PDE4A: variants seen among roughly 807,000 people sequenced by gnomAD.
The protein encoded by PDE4A is phosphodiesterase 4A.
In PDE4A, 21 loss-of-function variants were observed where a neutral mutation model predicts 73.9. That is an observed-to-expected ratio of 0.28 (90% CI 0.20 to 0.41). The LOEUF (loss-of-function observed/expected upper bound fraction) is 0.41. Among genes scored for constraint, PDE4A ranks in the 10% least tolerant of loss-of-function variants. PDE4A has a pLI of 1.00. For missense variants in PDE4A, 958 were observed against 1,211.4 expected (o/e 0.79, Z 3.10); for synonymous variants, 463 against 505.4 (o/e 0.92, Z 1.13).
intron 1 of PDE4A, among the ~76,000 whole-genome samples, chr19:10,432,178 G>A (rs1298396078): frequency 1.3e-5 from 1 of 79,102 alleles, no homozygotes; most frequent in Non-Finnish European, 2.2e-5. Flanking sequence ...GGAGGAGACG[G>A]GGGGGGGGGG....
Position 10,467,616 on chromosome 19 carries a change from A to G in PDE4A, c.2656A>G (p.Thr886Ala), listed in dbSNP as rs2043402483. ...TGGCGGGGGGTCAGGTGGAGACCCT[A>G]CCTGATCCCCAGACCTCTGTCCCTG... ...PGGGGSGGDP[T>A] The change falls in exon 15 of 15, where the codon ACC becomes GCC. Residue 886 changes from threonine to alanine, a missense_variant. Coordinates refer to ENST00000380702, the MANE Select transcript of PDE4A (RefSeq NM_001111307.2). 3 of 1,556,202 alleles carry G rather than the reference A, an allele frequency of 1.9e-6. No individual in the cohort carries two copies. The highest frequency in any genetic ancestry group is 8.7e-7 in the Non-Finnish European group (1 of 1,149,204).
chr19:10,439,657 G>A (rs2042910890), intron 1 of PDE4A, among the ~76,000 whole-genome samples: 1 of 152,110 alleles, frequency 6.6e-6, no homozygotes, highest in African/African-American at 2.4e-5. Flanking sequence ...CCTTCAATAA[G>A]GTCTGTCTCT....
chr19:10,461,125 C>A (rs777744492), intron 11 of PDE4A, 22 bp downstream of exon 11: 2 of 1,600,788 alleles, frequency 1.2e-6, no homozygotes, highest in Non-Finnish European at 8.5e-7. Context: ...TCGCCAGGGG[C>A]GGGGTTTGCT....
rs1301586281 is a variant in PDE4A, at chr19:10,467,316, A to G, written c.2356A>G (p.Thr786Ala). The G allele has an allele frequency of 3.7e-6, 6 of 1,614,058 alleles. No homozygotes were observed. In the South Asian group the frequency reaches 6.6e-5, roughly 18 times the overall value. The change falls in exon 15 of 15, where the codon ACA becomes GCA. Residue 786 changes from threonine (T) to alanine (A), a missense_variant. Transcript: ENST00000380702. ...AVYLTQQAQS[T>A]GSAPVAPDEF... ...GTATTTGACACAGCAGGCACAGTCC[A>G]CAGGCAGTGCACCTGTGGCTCCGGA...
chr19:10,418,815 G>A (rs1482518815), upstream of PDE4A: 2 of 985,132 alleles, frequency 2.0e-6, no homozygotes, highest in African/African-American at 1.7e-5. Context: ...CAAGAATTTG[G>A]CCCAGCCCAG....
chr19:10,446,517 T>C (rs2145525408), intron 2 of PDE4A, 108 bp downstream of exon 2: 1 of 1,290,634 alleles, frequency 7.7e-7, no homozygotes. Flanking sequence ...TCCTCAGCAC[T>C]CCCAACCTGT....
chr19:10,421,269 CCTG>C (rs1400437303), intron 1 of PDE4A, 185 bp downstream of exon 1: 7 of 985,408 alleles, frequency 7.1e-6, no homozygotes, highest in Non-Finnish European at 8.4e-6. Context: ...CGGGAGGCTT[CCTG>C]CTGAAGCCCA....
intron 8 of PDE4A, 42 bp from the exon 9 acceptor site, chr19:10,459,358 G>A (rs753870422): frequency 1.9e-6 from 3 of 1,614,016 alleles, no homozygotes; most frequent in Non-Finnish European, 2.5e-6. Context: ...CCAGGGCCCT[G>A]AGCCTTACAG....
At chr19:10,432,662 G>A (rs1482685712) in intron 1 of PDE4A, 2 of 1,281,096 alleles carry the variant, frequency 1.6e-6, no homozygotes, top group Non-Finnish European at 2.1e-6. Flanking sequence ...CTACCTGGGT[G>A]AGTCCCCTAA....
Position 10,461,862 on chromosome 19 carries a change from C to G in PDE4A, c.1621-15C>G. ...GCGGGTGTCAGCGGCCCCAGTGACG[C>G]CCCCTTGCCCGCAGGTGCTGGCCAC... is the stretch of plus-strand genomic sequence containing the variant. On this transcript the variant is annotated splice_polypyrimidine_tract_variant and intron_variant, in intron 12 of 14. Coordinates refer to ENST00000380702, the MANE Select transcript of PDE4A (RefSeq NM_001111307.2). The G allele has an allele frequency of 6.2e-7, 1 of 1,610,118 alleles. No individual in the cohort carries two copies. The highest frequency in any genetic ancestry group is 8.5e-7 in the Non-Finnish European group (1 of 1,178,116).
intron 7 of PDE4A, among the ~76,000 whole-genome samples, chr19:10,456,532 A>AAATAAAT (rs1568380135): frequency 6.7e-6 from 1 of 148,954 alleles, no homozygotes; most frequent in Non-Finnish European, 1.5e-5. Flanking sequence ...TCTCAAAAAA[A>AAATAAAT]AAATAAATAA....
At chr19:10,451,131 T>C (rs1428040587) in intron 6 of PDE4A, among the ~76,000 whole-genome samples, 190 bp downstream of exon 6, 1 of 151,900 alleles carries the variant, frequency 6.6e-6, no homozygotes, top group Non-Finnish European at 1.5e-5. Context: ...CGGGGGCTGG[T>C]GGAGCTGGGC....
intron 7 of PDE4A, among the ~76,000 whole-genome samples, chr19:10,456,038 CA>C (rs2043165301): frequency 6.8e-6 from 1 of 148,026 alleles, no homozygotes; most frequent in South Asian, 2.1e-4. Context: ...GACCCCCCCC[CA>C]ATTCAGTAGA....
chr19:10,431,928 T>A (rs551308805), intron 1 of PDE4A, among the ~76,000 whole-genome samples: 1 of 150,632 alleles, frequency 6.6e-6, no homozygotes, highest in Admixed American at 6.6e-5. Context: ...TCTGTCTCTG[T>A]TTTGTTTCTC....
rs989296441 is a variant in PDE4A at position 10,420,874 on chromosome 19, C to T, written c.110C>T (p.Pro37Leu). 1 of 1,589,726 alleles carries T rather than the reference C, an allele frequency of 6.3e-7. No individual in the cohort carries two copies. Among genetic ancestry groups the T allele is most frequent in the Non-Finnish European group, 8.5e-7 (1 of 1,176,172 alleles). The change falls in exon 1 of 15, where the codon CCT becomes CTT. Residue 37 changes from proline (P) to leucine (L), a missense_variant. Around this residue, in one of 3 missense-constraint regions of PDE4A, gnomAD observed 145 missense variants for 137.8 expected, o/e 1.05. Transcript: ENST00000380702. The surrounding 1 kb of genome is among the most constrained non-coding windows in gnomAD (Gnocchi z 6.0). Reference sequence around the variant, plus strand: ...CCCCCGCAGCACCTGTGGCGGCAGCCTCGGACCCCCATCCGTATCCAGCAG... The same window carrying T: ...CCCCCGCAGCACCTGTGGCGGCAGCTTCGGACCCCCATCCGTATCCAGCAG... ...KPPPQHLWRQ[P>L]RTPIRIQQRG...
Position 10,438,884 on chromosome 19 carries a change from G to A in PDE4A, c.321-7334G>A, listed in dbSNP as rs147112283. ...TCCTACCAAAGTGCTGGGTCACTGA[G>A]CATAATGTTTTCAGGGTTCATCCAT... On this transcript the variant is annotated intron_variant, in intron 1 of 14. Coordinates refer to ENST00000380702, the MANE Select transcript of PDE4A (RefSeq NM_001111307.2). Among the ~76,000 whole-genome samples the A allele has an allele frequency of 1.1e-3, 172 of 152,302 alleles. 1 individual carries two copies. The highest frequency in any genetic ancestry group is 4.1e-3 in the African/African-American group (171 of 41,562).
intron 1 of PDE4A, chr19:10,423,157 C>CTTTTTTTT (rs61513692): frequency 7.9e-6 from 6 of 756,020 alleles, no homozygotes; most frequent in African/African-American, 2.4e-5. Flanking sequence ...AACCCTTTCT[C>CTTTTTTTT]TTTTTTTTTT....
intron 8 of PDE4A, 108 bp from the exon 9 acceptor site, chr19:10,459,292 T>C: frequency 6.4e-7 from 1 of 1,557,572 alleles, no homozygotes; most frequent in South Asian, 1.2e-5. Context: ...ACCCACTGGG[T>C]GAGCAATAAT....
At chr19:10,448,104 CTT>C (rs554377484) in intron 2 of PDE4A, among the ~76,000 whole-genome samples, 13 of 142,556 alleles carry the variant, frequency 9.1e-5, no homozygotes, top group Admixed American at 7.1e-5. Context: ...TTATCTCTCT[CTT>C]TTTTTTTTTT....
Sources: gnomAD v4.1 joint callset for allele counts (sites outside exome capture counted in the v4.1 genomes callset) on GRCh38, gnomAD v4.1.1 for gene constraint, gnomAD v4.1.1 regional missense constraint, Gnocchi (gnomAD v3.1) non-coding constraint, MANE v1.5 for transcripts, NCBI Gene and HGNC (gene_info 2026-07-23, HGNC 2026-07-21) for gene names.